The following PRUNE2 variants were observed in gnomAD, a reference collection of about 807,000 sequenced individuals.
PRUNE2 encodes protein prune homolog 2.
A neutral mutation model predicts 252.0 loss-of-function variants in PRUNE2; 164 were observed. That is an observed-to-expected ratio of 0.65 (90% CI 0.57 to 0.74). The LOEUF is 0.74. Ranked by LOEUF, PRUNE2 falls within the 30% of genes least tolerant of loss-of-function variation. The pLI is 0.00. For missense variants in PRUNE2, 3,495 were observed against 3,711.0 expected (o/e 0.94, Z 1.51); for synonymous variants, 1,292 against 1,350.2 (o/e 0.96, Z 0.94).
intron 6 of PRUNE2, among the ~76,000 whole-genome samples, chr9:76,774,476 T>TTC (rs1323761923): frequency 1.0e-4 from 15 of 148,662 alleles, no homozygotes; most frequent in Admixed American, 9.5e-4. Flanking sequence ...TTTTTTTTTT[T>TTC]TGAGATGGAG....
rs1296068921 is a variant in PRUNE2 at position 76,747,815 on chromosome 9, A to AGGGGGGG, written c.757-34095_757-34094insCCCCCCC. Among the ~76,000 whole-genome samples, 1,185 of 140,602 alleles carry AGGGGGGG rather than the reference A, an allele frequency of 8.4e-3. 18 individuals carry two copies. Among genetic ancestry groups the AGGGGGGG allele is most frequent in the African/African-American group, 0.03 (1,148 of 37,682 alleles). 92.2% of individuals were successfully genotyped at this position (140,602 alleles called of 152,430 possible). ...TCCACTTCTTTTTTTTTTTTTTTGG[A>AGGGGGGG]GAAGAAGTCTTGCTCTGTCGCCCAG... On this transcript the variant is annotated intron_variant, in intron 6 of 18. Coordinates refer to ENST00000376718, the MANE Select transcript of PRUNE2 (RefSeq NM_015225.3).
chr9:76,735,502 A>G (rs1479342351), intron 6 of PRUNE2, among the ~76,000 whole-genome samples: 3 of 151,332 alleles, frequency 2.0e-5, no homozygotes, highest in African/African-American at 7.3e-5. Flanking sequence ...AGATACCAAA[A>G]GAACTGGGGC....
intron 1 of PRUNE2, among the ~76,000 whole-genome samples, chr9:76,879,847 G>A: frequency 8.1e-6 from 1 of 122,712 alleles, no homozygotes; most frequent in South Asian, 2.8e-4. Flanking sequence ...CCACTGTAAA[G>A]ATTACTCAGT....
chr9:76,660,975 A>G (rs1443250104), intron 9 of PRUNE2, among the ~76,000 whole-genome samples: 1 of 152,050 alleles, frequency 6.6e-6, no homozygotes, highest in Non-Finnish European at 1.5e-5. Flanking sequence ...CAGGAGATGC[A>G]ATAAATAGAA....
intron 9 of PRUNE2, among the ~76,000 whole-genome samples, chr9:76,670,085 T>A (rs904105066): frequency 1.3e-5 from 2 of 152,086 alleles, no homozygotes; most frequent in African/African-American, 4.8e-5. Flanking sequence ...AGTCTACAGC[T>A]CCCAGCGTGA....
At chr9:76,701,512 C>T (rs1000509672) in intron 9 of PRUNE2, among the ~76,000 whole-genome samples, 5 of 152,188 alleles carry the variant, frequency 3.3e-5, no homozygotes, top group African/African-American at 1.2e-4. Context: ...AACAATAGCT[C>T]AGCCAACTCA....
At chr9:76,841,076 G>A (rs140979557) in intron 4 of PRUNE2, among the ~76,000 whole-genome samples, 2 of 152,160 alleles carry the variant, frequency 1.3e-5, no homozygotes, top group African/African-American at 4.8e-5. Flanking sequence ...ATGCAGAAGG[G>A]GGGTGATGTC....
chr9:76,647,530 T>A (rs999948875), intron 11 of PRUNE2, among the ~76,000 whole-genome samples: 15 of 152,162 alleles, frequency 9.9e-5, no homozygotes, highest in Admixed American at 9.8e-4. Flanking sequence ...AAGGTGGACT[T>A]CATTGAAATT....
intron 6 of PRUNE2, among the ~76,000 whole-genome samples, chr9:76,808,101 C>T (rs989190973): frequency 6.6e-6 from 1 of 152,196 alleles, no homozygotes; most frequent in Non-Finnish European, 1.5e-5. Context: ...TCACTTGAAC[C>T]TGGGAGGCAG....
intron 4 of PRUNE2, among the ~76,000 whole-genome samples, chr9:76,845,119 G>T (rs1247538779): frequency 6.6e-6 from 1 of 151,398 alleles, no homozygotes; most frequent in South Asian, 2.1e-4. Context: ...TTAACAAAAG[G>T]GTCTGCATTC....
At chr9:76,651,558 C>T (rs1342404032) in intron 11 of PRUNE2, among the ~76,000 whole-genome samples, 1 of 152,112 alleles carries the variant, frequency 6.6e-6, no homozygotes, top group African/African-American at 2.4e-5. Flanking sequence ...ATTATAACTT[C>T]AGAGAATTCC....
intron 6 of PRUNE2, among the ~76,000 whole-genome samples, chr9:76,777,492 G>C (rs1474344300): frequency 6.6e-6 from 1 of 152,148 alleles, no homozygotes; most frequent in Non-Finnish European, 1.5e-5. Context: ...CTGAAGAAAT[G>C]AATTTCAGGG....
intron 6 of PRUNE2, among the ~76,000 whole-genome samples, chr9:76,766,404 G>C (rs1203368383): frequency 6.6e-6 from 1 of 152,022 alleles, no homozygotes; most frequent in Non-Finnish European, 1.5e-5. Flanking sequence ...AAGAAAAGGA[G>C]TCAGCTTTCT....
chr9:76,791,935 GAGA>G (rs2055590712), intron 6 of PRUNE2, among the ~76,000 whole-genome samples: 1 of 152,168 alleles, frequency 6.6e-6, no homozygotes, highest in Non-Finnish European at 1.5e-5. Flanking sequence ...AGGGGCTGGG[GAGA>G]AGGAGGGAGG....
chr9:76,869,918 C>T (rs1393083310), intron 1 of PRUNE2, among the ~76,000 whole-genome samples: 1 of 152,110 alleles, frequency 6.6e-6, no homozygotes, highest in African/African-American at 2.4e-5. Flanking sequence ...TTGATATTAT[C>T]AATTTGAATT....
In PRUNE2 at chr9:76,709,828, A is replaced by G. The variant is rs2046582240; in HGVS notation, c.2446T>C (p.Trp816Arg). The change falls in exon 8 of 19, where the codon TGG becomes CGG. Residue 816 changes from tryptophan to arginine, a missense_variant. By Grantham distance (101) the Trp-to-Arg change is moderately radical. Transcript: ENST00000376718. ...EDHDEALKNTWNLHPTSSKTP... is the reference protein window; with the variant it reads ...EDHDEALKNTRNLHPTSSKTP... ...TTGCTGCTTGTTGGGTGCAAATTCC[A>G]GGTATTTTTTAAAGCTTCATCATGA... 1 of 1,613,766 alleles carries G rather than the reference A, an allele frequency of 6.2e-7. No homozygotes were observed. The highest frequency in any genetic ancestry group is 8.5e-7 in the Non-Finnish European group (1 of 1,179,848).
intron 6 of PRUNE2, among the ~76,000 whole-genome samples, chr9:76,725,401 G>C (rs979347035): frequency 6.6e-6 from 1 of 152,186 alleles, no homozygotes; most frequent in Non-Finnish European, 1.5e-5. Flanking sequence ...TACAGTTTGG[G>C]ATTCGTTCTT....
chr9:76,618,405 C>A (rs1049216719), intron 18 of PRUNE2, among the ~76,000 whole-genome samples: 1 of 152,214 alleles, frequency 6.6e-6, no homozygotes, highest in Admixed American at 6.5e-5. Context: ...TTCCCCTCTG[C>A]TTCCTGATTG....
intron 6 of PRUNE2, among the ~76,000 whole-genome samples, chr9:76,801,595 G>A (rs999152508): frequency 6.6e-6 from 1 of 151,812 alleles, no homozygotes; most frequent in African/African-American, 2.4e-5. Flanking sequence ...ATCTTACCAG[G>A]TTATAATTTA....
Sources: allele counts gnomAD v4.1 joint callset (sites outside exome capture counted in the v4.1 genomes callset), GRCh38; gene constraint gnomAD v4.1.1; transcripts MANE v1.5; gene names NCBI Gene and HGNC (gene_info 2026-07-23, HGNC 2026-07-21).